Variants in ITGB6 observed in about 807,000 individuals in gnomAD.
The protein encoded by ITGB6 is integrin subunit beta 6, also known as integrin beta-6.
A neutral mutation model predicts 84.5 loss-of-function variants in ITGB6; 80 were observed. The observed-to-expected ratio is 0.95, with a 90% confidence interval of 0.79 to 1.14. The LOEUF (loss-of-function observed/expected upper bound fraction) is 1.14, where lower values mean the gene tolerates loss of function less well. Among genes scored for constraint, ITGB6 ranks in the 50% most tolerant of loss-of-function variants. The pLI, the probability that ITGB6 is intolerant of heterozygous loss-of-function variation, is 0.00. For missense variants in ITGB6, 1,006 were observed against 968.0 expected (o/e 1.04, Z -0.52); for synonymous variants, 383 against 354.9 (o/e 1.08, Z -0.89).
At chr2:160,179,323 CAT>C (rs921667707) in intron 4 of ITGB6, among the ~76,000 whole-genome samples, 1 of 151,490 alleles carries the variant, frequency 6.6e-6, no homozygotes, top group Non-Finnish European at 1.5e-5. Flanking sequence ...ACCATATACT[CAT>C]ATATGTTTAT....
intron 8 of ITGB6, 51 bp from the exon 9 acceptor site, chr2:160,138,250 G>A (rs751356730): frequency 1.3e-6 from 2 of 1,501,180 alleles, no homozygotes; most frequent in African/African-American, 1.4e-5. Flanking sequence ...CAAAAATATA[G>A]CCAGAAGAAG....
At chr2:160,127,395 T>C (rs1230904473) in intron 10 of ITGB6, among the ~76,000 whole-genome samples, 2 of 152,232 alleles carry the variant, frequency 1.3e-5, no homozygotes. Flanking sequence ...CTCCCTTCTA[T>C]TGATTCCAGG....
rs1683245397 is a variant in ITGB6, at chr2:160,126,439, C to G, written c.1823G>C (p.Gly608Ala). 1.2e-6 allele frequency: 2 copies of G among 1,614,040 alleles called. No individual in the cohort carries two copies. The highest frequency in any genetic ancestry group is 2.2e-5 in the South Asian group (2 of 91,084). Residue 608 changes from glycine to alanine, a missense_variant, in exon 11 of 15, where the codon GGA (glycine) becomes GCA (alanine). Physicochemically the swap from Gly to Ala is moderately conservative, Grantham distance 60 (BLOSUM62 0). Coordinates refer to ENST00000283249, the MANE Select transcript of ITGB6 (RefSeq NM_000888.5). ...VCGKCVCTNP[G>A]ASGPTCERCP... ...TCGTTCACAGGTTGGTCCTGAGGCT[C>G]CAGGGTTTGTGCAAACACACTTGCC...
intron 12 of ITGB6, among the ~76,000 whole-genome samples, chr2:160,116,990 A>G (rs928774958): frequency 1.3e-4 from 19 of 151,802 alleles, no homozygotes; most frequent in African/African-American, 4.6e-4. Flanking sequence ...TTCACCCAAT[A>G]CAGGAGCACC....
In ITGB6 at chr2:160,195,578, A is replaced by C; in HGVS notation, c.384T>G (p.Thr128=). 6.2e-7 allele frequency: 1 copy of C among 1,614,152 alleles called. No individual in the cohort carries two copies. The highest frequency in any genetic ancestry group is 8.5e-7 in the Non-Finnish European group (1 of 1,179,996). Residue 128 remains threonine, a synonymous_variant, in exon 4 of 15, where the codon ACT becomes ACG. Transcript: ENST00000283249. ...AQTLQVHVRQ[T]EDYPVDLYYL... ...AATACAAATCCACCGGGTAGTCCTC[A>C]GTCTGGCGGACATGCACCTGCAGAG... is the stretch of plus-strand genomic sequence containing the variant.
chr2:160,189,486 T>A (rs1184725420), intron 4 of ITGB6, among the ~76,000 whole-genome samples: 6 of 151,980 alleles, frequency 3.9e-5, no homozygotes, highest in South Asian at 4.2e-4. Context: ...GAATCTACAA[T>A]GAACTCAAAC....
At chr2:160,166,689 A>G (rs1685011197) in intron 7 of ITGB6, among the ~76,000 whole-genome samples, 2 of 152,210 alleles carry the variant, frequency 1.3e-5, no homozygotes, top group Non-Finnish European at 2.9e-5. Context: ...GTCTATTATC[A>G]TCATTATCTT....
intron 7 of ITGB6, among the ~76,000 whole-genome samples, chr2:160,157,748 CAAA>C (rs11364475): frequency 4.5e-4 from 38 of 84,160 alleles, no homozygotes; most frequent in Admixed American, 1.2e-3. Context: ...AGCACAGAGG[CAAA>C]AAAAAAAAAA....
intron 13 of ITGB6, 57 bp from the exon 14 acceptor site, chr2:160,107,902 A>G (rs1009623496): frequency 7.0e-7 from 1 of 1,422,730 alleles, no homozygotes; most frequent in Admixed American, 1.9e-5. Flanking sequence ...TGACATCGGA[A>G]AGGCATTTCT....
At chr2:160,104,986 CCAGT>C (rs1205236379) in intron 14 of ITGB6, among the ~76,000 whole-genome samples, 11 of 152,088 alleles carry the variant, frequency 7.2e-5, no homozygotes. Context: ...GTTTCAAAGA[CCAGT>C]CAAATTCACT....
rs2105773874 is a variant in ITGB6, at chr2:160,107,716, T to G, written c.2231A>C (p.Lys744Thr). ...GGCTTTTGATCGTTCTGCTTCAAAT[T>G]TGGCAACTTCTTTACGATCATGAAA... ...VSFHDRKEVA[K>T]FEAERSKAKW... The change falls in exon 14 of 15, where the codon AAA (lysine) becomes ACA (threonine). Residue 744 changes from lysine (K) to threonine (T), a missense_variant. Transcript: ENST00000283249. 6.2e-7 allele frequency: 1 copy of G among 1,614,126 alleles called. No homozygotes were observed. Among genetic ancestry groups the G allele is most frequent in the Non-Finnish European group, 8.5e-7 (1 of 1,179,974 alleles).
At chr2:160,150,260 C>T (rs540515519) in intron 7 of ITGB6, among the ~76,000 whole-genome samples, 4 of 152,306 alleles carry the variant, frequency 2.6e-5, no homozygotes, top group East Asian at 1.9e-4. Flanking sequence ...ACAGATCTCT[C>T]GGCAGAAACC....
chr2:160,124,181 G>A, intron 11 of ITGB6, among the ~76,000 whole-genome samples: 1 of 152,138 alleles, frequency 6.6e-6, no homozygotes, highest in East Asian at 1.9e-4. Context: ...AATAATCAAA[G>A]AAAATAAATT....
chr2:160,166,666 T>C (rs1388695557), intron 7 of ITGB6, among the ~76,000 whole-genome samples: 1 of 152,220 alleles, frequency 6.6e-6, no homozygotes, highest in Admixed American at 6.5e-5. Flanking sequence ...TGTAATATAC[T>C]ACCCACTGCT....
chr2:160,195,382 C>A lies in ITGB6; in HGVS notation c.580G>T (p.Ala194Ser), dbSNP rs764843609. 2.5e-6 allele frequency: 4 copies of A among 1,614,010 alleles called. No individual in the cohort carries two copies. Among genetic ancestry groups the A allele is most frequent in the Non-Finnish European group, 3.4e-6 (4 of 1,179,998 alleles). Residue 194 changes from alanine (A) to serine (S), a missense_variant, in exon 4 of 15, where the codon GCC becomes TCC. Physicochemically the swap from Ala to Ser is moderately conservative, Grantham distance 99. Transcript: ENST00000283249. ...TCATTTACTTACCTGCAAGGGTTGGCAATTTCTTCTGGTGTTGTTTTCACA... is the reference window on the plus strand; with the variant it reads ...TCATTTACTTACCTGCAAGGGTTGGAAATTTCTTCTGGTGTTGTTTTCACA... ...PFVKTTPEEIANPCSSIPYFC... is the reference protein window; with the variant it reads ...PFVKTTPEEISNPCSSIPYFC...
chr2:160,158,665 G>T (rs1684711584), intron 7 of ITGB6, among the ~76,000 whole-genome samples: 1 of 152,168 alleles, frequency 6.6e-6, no homozygotes, highest in Admixed American at 6.5e-5. Flanking sequence ...TTTGAAGGAT[G>T]ACTAGTAGGA....
chr2:160,134,394 G>A (rs1228711591), intron 10 of ITGB6, among the ~76,000 whole-genome samples: 1 of 152,168 alleles, frequency 6.6e-6, no homozygotes, highest in Non-Finnish European at 1.5e-5. Context: ...AACAGGCTCT[G>A]AAATTGAGGC....
intron 14 of ITGB6, among the ~76,000 whole-genome samples, chr2:160,106,514 C>A (rs577031796): frequency 6.6e-6 from 1 of 152,166 alleles, no homozygotes; most frequent in African/African-American, 2.4e-5. Flanking sequence ...TCTAAGATTA[C>A]GGTGTGAGCC....
rs148105415 is a variant in ITGB6, at chr2:160,149,256, G to A, written c.1018-7185C>T. ...TCTGGGACAGAGCTTCCAGAAGAAG[G>A]ATGAGACAGCGATATTTGCTGTTCT... On this transcript the variant is annotated intron_variant, in intron 7 of 14. Transcript: ENST00000283249. 8.2e-3 allele frequency among the ~76,000 whole-genome samples: 1,251 copies of A among 152,262 alleles called. 19 individuals are homozygous for A. The highest frequency in any genetic ancestry group is 0.028 in the African/African-American group (1,153 of 41,556).
Sources: allele counts gnomAD v4.1 joint callset (sites outside exome capture counted in the v4.1 genomes callset), GRCh38; gene constraint gnomAD v4.1.1; transcripts MANE v1.5; gene names NCBI Gene and HGNC (gene_info 2026-07-23, HGNC 2026-07-21).